The following NWD2 variants were observed in gnomAD, a reference collection of about 807,000 sequenced individuals.
NWD2 encodes the protein NACHT and WD repeat domain containing 2.
In NWD2, 37 loss-of-function variants were observed where a neutral mutation model predicts 132.7. That is an observed-to-expected ratio of 0.28 (90% CI 0.21 to 0.37). The LOEUF is 0.37. NWD2 is among the 10% of genes least tolerant of loss of function. The pLI is 1.00. For missense variants in NWD2, 1,592 were observed against 2,122.4 expected (o/e 0.75, Z 4.91); for synonymous variants, 705 against 803.0 (o/e 0.88, Z 2.06).
chr4:37,333,244 G>C (rs142514511), intron 2 of NWD2, among the ~76,000 whole-genome samples: 1 of 152,154 alleles, frequency 6.6e-6, no homozygotes, highest in Non-Finnish European at 1.5e-5. Context: ...TTGAGTGAAC[G>C]TAGGCAGTAG....
At chr4:37,422,206 A>G (rs1711836490) in intron 3 of NWD2, among the ~76,000 whole-genome samples, 1 of 152,190 alleles carries the variant, frequency 6.6e-6, no homozygotes, top group Non-Finnish European at 1.5e-5. Context: ...CTGCAAACAT[A>G]GCTATGAACA....
intron 3 of NWD2, among the ~76,000 whole-genome samples, chr4:37,360,721 G>A (rs1384573307): frequency 6.6e-6 from 1 of 152,166 alleles, no homozygotes; most frequent in Non-Finnish European, 1.5e-5. Flanking sequence ...CTTTTGTAGA[G>A]GGAGAGGAAT....
chr4:37,357,743 T>C (rs954061326), intron 3 of NWD2, among the ~76,000 whole-genome samples: 1 of 151,892 alleles, frequency 6.6e-6, no homozygotes, highest in South Asian at 2.1e-4. Context: ...AGTAAGTCAG[T>C]TGGTGATAAG....
chr4:37,263,112 C>T (rs1255375584), intron 1 of NWD2, among the ~76,000 whole-genome samples: 1 of 152,088 alleles, frequency 6.6e-6, no homozygotes, highest in Non-Finnish European at 1.5e-5. Context: ...TGATGTCACT[C>T]CCACCAGGGA....
intron 1 of NWD2, among the ~76,000 whole-genome samples, chr4:37,262,382 A>C (rs373795489): frequency 6.6e-6 from 1 of 152,116 alleles, no homozygotes; most frequent in African/African-American, 2.4e-5. Context: ...TTTTCTCCAC[A>C]CCTTCATCAG....
Position 37,247,173 on chromosome 4 carries a change from A to G in NWD2, c.151+1955A>G, listed in dbSNP as rs1440249737. On this transcript the variant is annotated intron_variant, in intron 1 of 6. Transcript: ENST00000309447. ...CAATAGGGGCAGGATCTCAGATTTTATCCAAATTGGAGAGCGGATGGCATA... is the reference window on the plus strand; with the variant it reads ...CAATAGGGGCAGGATCTCAGATTTTGTCCAAATTGGAGAGCGGATGGCATA... 2.6e-5 allele frequency among the ~76,000 whole-genome samples: 4 copies of G among 152,216 alleles called. No homozygotes were observed. The East Asian group carries it at 7.7e-4, about 29-fold the overall frequency.
At chr4:37,357,919 A>C (rs1719902958) in intron 3 of NWD2, among the ~76,000 whole-genome samples, 1 of 152,138 alleles carries the variant, frequency 6.6e-6, no homozygotes, top group Non-Finnish European at 1.5e-5. Context: ...ATTCCAAGTC[A>C]GGTATTCCAG....
chr4:37,399,640 C>G (rs1720864152), intron 3 of NWD2, among the ~76,000 whole-genome samples: 1 of 152,164 alleles, frequency 6.6e-6, no homozygotes, highest in South Asian at 2.1e-4. Context: ...GAAGTGACCT[C>G]TGACTCAATC....
At chr4:37,413,879 C>A (rs1355735667) in intron 3 of NWD2, among the ~76,000 whole-genome samples, 1 of 151,994 alleles carries the variant, frequency 6.6e-6, no homozygotes, top group Non-Finnish European at 1.5e-5. Context: ...GAACAGAAAA[C>A]CAAACACCGC....
chr4:37,366,874 A>G (rs1720110107), intron 3 of NWD2, among the ~76,000 whole-genome samples: 1 of 152,198 alleles, frequency 6.6e-6, no homozygotes, highest in Admixed American at 6.5e-5. Flanking sequence ...AGACAAATCT[A>G]CAGTCATAAT....
intron 1 of NWD2, among the ~76,000 whole-genome samples, chr4:37,297,627 A>C (rs1014018648): frequency 2.0e-5 from 3 of 152,220 alleles, no homozygotes; most frequent in Non-Finnish European, 4.4e-5. Context: ...TATTGCATTC[A>C]GCTGTCATGT....
chr4:37,352,295 A>G (rs1208492215), intron 2 of NWD2, among the ~76,000 whole-genome samples: 1 of 152,084 alleles, frequency 6.6e-6, no homozygotes, highest in Non-Finnish European at 1.5e-5. Flanking sequence ...GACTCCCGCT[A>G]TTATTATATG....
chr4:37,344,839 C>T (rs1560399974), intron 2 of NWD2, among the ~76,000 whole-genome samples: 1 of 152,026 alleles, frequency 6.6e-6, no homozygotes, highest in African/African-American at 2.4e-5. Flanking sequence ...CAAGAAGAAA[C>T]CCTGTGCCCT....
At chr4:37,328,918 G>T (rs964175413) in intron 2 of NWD2, among the ~76,000 whole-genome samples, 3 of 151,980 alleles carry the variant, frequency 2.0e-5, no homozygotes, top group African/African-American at 7.3e-5. Flanking sequence ...TAGATTATAA[G>T]TTCCATAAAA....
At chr4:37,417,154 T>C (rs1711644403) in intron 3 of NWD2, among the ~76,000 whole-genome samples, 1 of 152,110 alleles carries the variant, frequency 6.6e-6, no homozygotes, top group Admixed American at 6.5e-5. Context: ...AAAATTTTTT[T>C]AAAAAAGAAA....
At chr4:37,359,603 A>G (rs926859681) in intron 3 of NWD2, among the ~76,000 whole-genome samples, 2 of 152,140 alleles carry the variant, frequency 1.3e-5, no homozygotes, top group Non-Finnish European at 2.9e-5. Context: ...CTGAATGAAA[A>G]AAAAAAAAGT....
intron 1 of NWD2, among the ~76,000 whole-genome samples, chr4:37,304,257 T>C (rs1718664470): frequency 6.6e-6 from 1 of 152,160 alleles, no homozygotes; most frequent in Non-Finnish European, 1.5e-5. Context: ...GGGGGAAGTT[T>C]GCCCCCATTA....
intron 3 of NWD2, among the ~76,000 whole-genome samples, chr4:37,415,073 G>A (rs1476185939): frequency 1.3e-5 from 2 of 152,170 alleles, no homozygotes; most frequent in Admixed American, 6.5e-5. Flanking sequence ...TGAAATGAAA[G>A]TATAAAAGGC....
chr4:37,406,440 A>G (rs1163977877), intron 3 of NWD2, among the ~76,000 whole-genome samples: 1 of 152,256 alleles, frequency 6.6e-6, no homozygotes, highest in Non-Finnish European at 1.5e-5. Context: ...ATTACTAGGT[A>G]TACACCCAAA....
Sources: allele counts gnomAD v4.1 joint callset (sites outside exome capture counted in the v4.1 genomes callset), GRCh38; gene constraint gnomAD v4.1.1; transcripts MANE v1.5; gene names NCBI Gene and HGNC (gene_info 2026-07-23, HGNC 2026-07-21).